ETNK2: variants seen among roughly 807,000 people sequenced by gnomAD.
ETNK2 encodes the protein ethanolamine kinase 2, also known as ethanolamine kinase-like protein.
A neutral mutation model predicts 46.2 loss-of-function variants in ETNK2; 33 were observed. The ratio of observed to expected loss-of-function variants is 0.71; its 90% CI spans 0.54 to 0.96. The LOEUF (loss-of-function observed/expected upper bound fraction) is 0.96, where lower values mean the gene tolerates loss of function less well. Among genes scored for constraint, ETNK2 ranks in the 40% least tolerant of loss-of-function variants. The probability of loss-of-function intolerance (pLI) is 0.00; values close to 1 mark genes in which losing one functional copy is unlikely to be tolerated. For missense variants in ETNK2, 445 were observed against 509.7 expected (o/e 0.87, Z 1.22); for synonymous variants, 194 against 209.0 (o/e 0.93, Z 0.62).
Position 204,131,584 on chromosome 1 carries a change from TGAG to T in ETNK2, c.*597_*599del, listed in dbSNP as rs1426421958. The T allele has an allele frequency of 1.3e-5, 2 of 154,832 alleles. No homozygotes were observed. Among genetic ancestry groups the T allele is most frequent in the Admixed American group, 1.3e-4 (2 of 15,978 alleles). The allele number at this position is 154,832 out of a possible 1,614,324, so 9.6% of individuals were successfully genotyped here. A position where few individuals can be genotyped will look rare whatever the true frequency, so the allele number is the denominator to read the frequency against. On this transcript the variant is annotated 3_prime_UTR_variant, in exon 8 of 8. Coordinates refer to ENST00000367202, the MANE Select transcript of ETNK2 (RefSeq NM_018208.4). The surrounding 1 kb of genome is among the most constrained non-coding windows in gnomAD (Gnocchi z 4.3). ...CGTTGGGGAGCATGTTTCCTCGGGC[TGAG>T]GTTTGATTGGATCTGGTTTGGAGAA...
intron 6 of ETNK2, among the ~76,000 whole-genome samples, chr1:204,136,713 CAA>C (rs1345415026): frequency 2.9e-4 from 23 of 80,072 alleles, no homozygotes; most frequent in African/African-American, 6.6e-4. Context: ...GACTCTGCCT[CAA>C]AAAAAAAAAA....
intron 7 of ETNK2, among the ~76,000 whole-genome samples, chr1:204,134,063 G>A (rs1039323697): frequency 2.6e-5 from 4 of 152,180 alleles, no homozygotes; most frequent in African/African-American, 9.7e-5. Flanking sequence ...TGGGGCTGTC[G>A]CCCAACCAGA....
In ETNK2 at chr1:204,132,094, G is replaced by A; in HGVS notation, c.*90C>T. 1 of 1,060,200 alleles carries A rather than the reference G, an allele frequency of 9.4e-7. No homozygotes were observed. The highest frequency in any genetic ancestry group is 1.3e-5 in the South Asian group (1 of 74,212). 65.7% of individuals were successfully genotyped at this position (1,060,200 alleles called of 1,614,324 possible). Reference sequence around the variant, plus strand: ...ACCCATGTGTCCCCTCTCCCACCCTGTCCAAGGGTGTGGATCCCAGAGTGC... The same window carrying A: ...ACCCATGTGTCCCCTCTCCCACCCTATCCAAGGGTGTGGATCCCAGAGTGC... On this transcript the variant is annotated 3_prime_UTR_variant, in exon 8 of 8. Coordinates refer to ENST00000367202, the MANE Select transcript of ETNK2 (RefSeq NM_018208.4).
At chr1:204,141,105 C>T in intron 4 of ETNK2, 1 of 687,768 alleles carries the variant, frequency 1.5e-6, no homozygotes, top group Non-Finnish European at 2.7e-6. Context: ...GGATTATAGG[C>T]ATGAGCCACT....
At chr1:204,146,320 C>T (rs1317905232) in intron 3 of ETNK2, among the ~76,000 whole-genome samples, 1 of 152,118 alleles carries the variant, frequency 6.6e-6, no homozygotes, top group Non-Finnish European at 1.5e-5. Context: ...TAACGCTGGG[C>T]CAAGCTCAGT....
At chr1:204,143,231 TTTTTTTCTTGGA>T in intron 3 of ETNK2, among the ~76,000 whole-genome samples, 1 of 152,060 alleles carries the variant, frequency 6.6e-6, no homozygotes, top group East Asian at 1.9e-4. Context: ...ATTCCTTTTT[TTTTTTTCTTGGA>T]CTGAGACCAT....
chr1:204,134,754 C>A, intron 6 of ETNK2, 166 bp from the exon 7 acceptor site: 2 of 1,498,698 alleles, frequency 1.3e-6, no homozygotes, highest in Middle Eastern at 1.8e-4. Context: ...GAGGCCAAGT[C>A]ACTGCACAGC....
intron 6 of ETNK2, among the ~76,000 whole-genome samples, chr1:204,135,470 C>T (rs1158693507): frequency 3.3e-5 from 5 of 152,130 alleles, no homozygotes; most frequent in Non-Finnish European, 1.5e-5. Flanking sequence ...CTGCGGTTCC[C>T]GTCTACCCCT....
rs1279100767 is a variant in ETNK2, at chr1:204,151,286, C to T, written c.258+309G>A. On this transcript the variant is annotated intron_variant, in intron 1 of 7. Coordinates refer to ENST00000367202, the MANE Select transcript of ETNK2 (RefSeq NM_018208.4). The surrounding 1 kb of genome is among the most constrained non-coding windows in gnomAD (Gnocchi z 8.0). Reference sequence around the variant, plus strand: ...TGGCTGGGTACGCGCTTCTGGTCAGCGAGGGGCACCAGCACGCAGCGACAG... The same window carrying T: ...TGGCTGGGTACGCGCTTCTGGTCAGTGAGGGGCACCAGCACGCAGCGACAG... The T allele has an allele frequency of 6.0e-6, 3 of 504,138 alleles. No individual in the cohort carries two copies. Among genetic ancestry groups the T allele is most frequent in the African/African-American group, 2.1e-5 (1 of 48,504 alleles). The allele number at this position is 504,138 out of a possible 1,614,324, so 31.2% of individuals were successfully genotyped here.
chr1:204,146,884 G>T (rs1300226127), intron 2 of ETNK2, 120 bp from the exon 3 acceptor site: 2 of 1,265,094 alleles, frequency 1.6e-6, no homozygotes, highest in Admixed American at 2.0e-5. Flanking sequence ...GAGGGCCAAG[G>T]ATGGGATGAT....
intron 3 of ETNK2, among the ~76,000 whole-genome samples, chr1:204,143,538 G>A (rs549455539): frequency 1.3e-5 from 2 of 152,176 alleles, no homozygotes; most frequent in South Asian, 2.1e-4. Flanking sequence ...CTGTGGGATC[G>A]GCAGAAGAGT....
rs190505611 is a variant in ETNK2, at chr1:204,149,229, G to T, written c.518+474C>A. On this transcript the variant is annotated intron_variant, in intron 2 of 7. Coordinates refer to ENST00000367202, the MANE Select transcript of ETNK2 (RefSeq NM_018208.4). ...CCCACTTCGTCAAGGAGCCAGGAAGGAGTTCAGACTGGCAGAAGAGATAGC... is the reference window on the plus strand; with the variant it reads ...CCCACTTCGTCAAGGAGCCAGGAAGTAGTTCAGACTGGCAGAAGAGATAGC... 2.1e-3 allele frequency among the ~76,000 whole-genome samples: 323 copies of T among 152,308 alleles called. 1 individual carries two copies. The highest frequency in any genetic ancestry group is 7.2e-3 in the African/African-American group (299 of 41,562).
At chr1:204,141,662 T>A in intron 3 of ETNK2, 1 of 586,888 alleles carries the variant, frequency 1.7e-6, no homozygotes, top group African/African-American at 1.9e-5. Flanking sequence ...CTGGTTATGC[T>A]AGGAAGCTGA....
At chr1:204,133,766 C>T (rs1295634139) in intron 7 of ETNK2, among the ~76,000 whole-genome samples, 3 of 152,104 alleles carry the variant, frequency 2.0e-5, no homozygotes, top group African/African-American at 4.8e-5. Context: ...CTTCTGACCT[C>T]GTGATCCACC....
rs115949100 is a variant in ETNK2, at chr1:204,133,191, G to A, written c.1089-935C>T. Among the ~76,000 whole-genome samples, 1,241 of 152,002 alleles carry A rather than the reference G, an allele frequency of 8.2e-3. 2 individuals are homozygous for A. The highest frequency in any genetic ancestry group is 0.012 in the Non-Finnish European group (793 of 67,994). On this transcript the variant is annotated intron_variant, in intron 7 of 7. Transcript: ENST00000367202. Reference sequence around the variant, plus strand: ...GTTGCTTCCATCTCTTGGCTACTATGCCAAGAATAATGTTGCCATGAACAT... The same window carrying A: ...GTTGCTTCCATCTCTTGGCTACTATACCAAGAATAATGTTGCCATGAACAT...
Position 204,137,198 on chromosome 1 carries a change from T to G in ETNK2, c.920A>C (p.Gln307Pro), listed in dbSNP as rs767749304. The G allele has an allele frequency of 3.1e-6, 5 of 1,613,850 alleles. No individual in the cohort carries two copies. The highest frequency in any genetic ancestry group is 4.2e-6 in the Non-Finnish European group (5 of 1,179,860). Residue 307 changes from glutamine to proline, a missense_variant, in exon 6 of 8, where the codon CAG (glutamine) becomes CCG (proline). Transcript: ENST00000367202. ...TGCCTGCAGGTAGTAGTGCAGCCAC[T>G]GCAGCTGGGTCTCCCGCGCCGGGTA... is the stretch of plus-strand genomic sequence containing the variant. Reference protein sequence around the residue: ...CLYPARETQLQWLHYYLQAQK... With the variant: ...CLYPARETQLPWLHYYLQAQK...
intron 3 of ETNK2, among the ~76,000 whole-genome samples, chr1:204,144,343 C>T (rs1223708411): frequency 5.5e-5 from 1 of 18,228 alleles, no homozygotes; most frequent in Non-Finnish European, 9.2e-5. Flanking sequence ...GAGAATCCAT[C>T]TCAAAAAAAA....
intron 2 of ETNK2, chr1:204,147,525 T>TC: frequency 1.9e-6 from 1 of 533,326 alleles, no homozygotes; most frequent in South Asian, 1.4e-5. Context: ...AGCTGGGCCC[T>TC]CCCAGTCCTC....
At chr1:204,141,142 C>T (rs1657510097) in intron 4 of ETNK2, 173 bp downstream of exon 4, 2 of 858,470 alleles carry the variant, frequency 2.3e-6, no homozygotes, top group Non-Finnish European at 1.9e-6. Flanking sequence ...ACAGACTTTT[C>T]AAAGTGGGAA....
Sources: allele counts gnomAD v4.1 joint callset (sites outside exome capture counted in the v4.1 genomes callset), GRCh38; gene constraint gnomAD v4.1.1; non-coding constraint Gnocchi (gnomAD v3.1); transcripts MANE v1.5; gene names NCBI Gene and HGNC (gene_info 2026-07-23, HGNC 2026-07-21).